Variants in PDE10A observed in about 807,000 individuals in gnomAD.
PDE10A encodes cAMP and cAMP-inhibited cGMP 3',5'-cyclic phosphodiesterase 10A.
PDE10A carries 39 observed loss-of-function variants against 97.7 expected under a neutral mutation model. That is an observed-to-expected ratio of 0.40 (90% CI 0.31 to 0.52). The LOEUF is 0.52. Among genes scored for constraint, PDE10A ranks in the 20% least tolerant of loss-of-function variants. PDE10A has a pLI of 0.56. For synonymous variants in PDE10A, 371 were observed against 376.8 expected, an observed-to-expected ratio of 0.98 and a Z score of 0.18; for missense variants, 731 against 1,047.8, an observed-to-expected ratio of 0.70 and a Z score of 4.17.
intron 18 of PDE10A, among the ~76,000 whole-genome samples, chr6:165,349,877 G>A (rs1782583448): frequency 6.6e-6 from 1 of 152,196 alleles, no homozygotes; most frequent in Non-Finnish European, 1.5e-5. Flanking sequence ...TGGGCCTGAG[G>A]GTACAGAGAA....
At chr6:165,906,646 C>T (rs1053838646) in intron 1 of PDE10A, among the ~76,000 whole-genome samples, 4 of 152,172 alleles carry the variant, frequency 2.6e-5, no homozygotes, top group Non-Finnish European at 4.4e-5. Context: ...GGAAGGGGTC[C>T]TCTGGCAGGT....
intron 1 of PDE10A, among the ~76,000 whole-genome samples, chr6:165,611,026 C>T (rs1787468974): frequency 6.6e-6 from 1 of 151,872 alleles, no homozygotes; most frequent in South Asian, 2.1e-4. Flanking sequence ...TAATGCTATT[C>T]CTAGCCCTTG....
At chr6:165,492,140 C>T (rs1780263612) in intron 2 of PDE10A, among the ~76,000 whole-genome samples, 2 of 152,086 alleles carry the variant, frequency 1.3e-5, no homozygotes, top group South Asian at 4.1e-4. Context: ...AAACATACAA[C>T]CCTCTAAGAT....
intron 1 of PDE10A, among the ~76,000 whole-genome samples, chr6:165,794,347 T>C (rs1009059711): frequency 6.7e-6 from 1 of 149,060 alleles, no homozygotes; most frequent in Non-Finnish European, 1.5e-5. Flanking sequence ...ACACCCAGAC[T>C]CACACAGATG....
intron 1 of PDE10A, among the ~76,000 whole-genome samples, chr6:165,831,086 G>T (rs6931483): frequency 0.22 from 33,708 of 151,940 alleles, 3,993 homozygotes; most frequent in Middle Eastern, 0.27. Flanking sequence ...CTCCCTTCTG[G>T]TAAGAAAGGA....
At chr6:165,822,870 TG>T (rs1779612728) in intron 1 of PDE10A, among the ~76,000 whole-genome samples, 1 of 152,158 alleles carries the variant, frequency 6.6e-6, no homozygotes, top group South Asian at 2.1e-4. Context: ...GGAGTCTTGC[TG>T]TTGCCCAGGC....
chr6:165,710,202 A>G, intron 1 of PDE10A, among the ~76,000 whole-genome samples: 1 of 152,202 alleles, frequency 6.6e-6, no homozygotes. Flanking sequence ...CTGAAGCTAC[A>G]GCGAATGTTT....
intron 1 of PDE10A, among the ~76,000 whole-genome samples, chr6:165,737,999 T>TTTTAA (rs150754495): frequency 3.7e-5 from 5 of 134,510 alleles, no homozygotes; most frequent in South Asian, 2.3e-4. Context: ...CCACTTCTTT[T>TTTTAA]TTTTATTTTA....
At chr6:165,785,145 C>G (rs564766167) in intron 1 of PDE10A, among the ~76,000 whole-genome samples, 2 of 152,362 alleles carry the variant, frequency 1.3e-5, no homozygotes, top group East Asian at 3.9e-4. Context: ...AAGGTGTGCA[C>G]CTCGAAGAGC....
intron 1 of PDE10A, among the ~76,000 whole-genome samples, chr6:165,726,799 T>C (rs1792308876): frequency 7.2e-6 from 1 of 139,800 alleles, no homozygotes; most frequent in African/African-American, 2.5e-5. Flanking sequence ...GAACCCGCAG[T>C]TCAGCGTCTT....
intron 1 of PDE10A, among the ~76,000 whole-genome samples, chr6:165,763,113 C>T (rs751446951): frequency 5.3e-5 from 8 of 152,170 alleles, no homozygotes; most frequent in Non-Finnish European, 1.0e-4. Context: ...GCGTTTCCAC[C>T]ATTTCTAATG....
At chr6:165,374,254 T>A (rs1409160959) in intron 18 of PDE10A, among the ~76,000 whole-genome samples, 1 of 151,758 alleles carries the variant, frequency 6.6e-6, no homozygotes, top group Non-Finnish European at 1.5e-5. Context: ...AAATTAAATC[T>A]ATAAAAATAC....
chr6:165,667,199 T>G (rs1458707731), upstream of PDE10A, among the ~76,000 whole-genome samples: 5 of 152,184 alleles, frequency 3.3e-5, no homozygotes, highest in Non-Finnish European at 7.3e-5. Context: ...TCAATTAAAT[T>G]GTTTTTATTT....
intron 1 of PDE10A, among the ~76,000 whole-genome samples, chr6:165,917,519 C>T (rs6456030): frequency 0.16 from 24,754 of 152,204 alleles, 2,364 homozygotes; most frequent in East Asian, 0.26. Context: ...CCGAAATGGA[C>T]ACTTTACTTC....
chr6:165,982,800 T>A (rs1160635288), intron 1 of PDE10A, among the ~76,000 whole-genome samples: 1 of 152,186 alleles, frequency 6.6e-6, no homozygotes, highest in Non-Finnish European at 1.5e-5. Flanking sequence ...TTTCCACATG[T>A]CCATTCAGTT....
chr6:165,733,252 G>T (rs1792484455), intron 1 of PDE10A, among the ~76,000 whole-genome samples: 1 of 152,082 alleles, frequency 6.6e-6, no homozygotes, highest in Admixed American at 6.6e-5. Flanking sequence ...TTGTATTAAA[G>T]GTATTCCCTG....
intron 1 of PDE10A, among the ~76,000 whole-genome samples, chr6:165,590,384 CCA>C (rs1229374237): frequency 6.6e-6 from 1 of 152,200 alleles, no homozygotes; most frequent in Non-Finnish European, 1.5e-5. Context: ...GCGTCTGCTT[CCA>C]GAGTCATGCT....
chr6:165,430,116 A>G (rs921340900), intron 9 of PDE10A, among the ~76,000 whole-genome samples, 171 bp downstream of exon 9: 2 of 152,102 alleles, frequency 1.3e-5, no homozygotes, highest in South Asian at 4.1e-4. Flanking sequence ...GTGAACGTGA[A>G]TGAGAATATA....
chr6:165,699,474 A>C (rs1176871263), intron 1 of PDE10A, among the ~76,000 whole-genome samples: 1 of 152,212 alleles, frequency 6.6e-6, no homozygotes, highest in South Asian at 2.1e-4. Flanking sequence ...GAAGACTTGG[A>C]TAACACCGTA....
Sources: gnomAD v4.1 joint callset for allele counts (sites outside exome capture counted in the v4.1 genomes callset) on GRCh38, gnomAD v4.1.1 for gene constraint, MANE v1.5 for transcripts, NCBI Gene and HGNC (gene_info 2026-07-23, HGNC 2026-07-21) for gene names.